Variants in DDX42 observed in about 807,000 individuals in gnomAD.
The protein encoded by DDX42 is ATP-dependent RNA helicase DDX42.
In DDX42, 22 loss-of-function variants were observed where a neutral mutation model predicts 101.5. The ratio of observed to expected loss-of-function variants is 0.22; its 90% CI spans 0.15 to 0.31. DDX42 has a LOEUF of 0.31. DDX42 is among the 10% of genes least tolerant of loss of function. The probability of loss-of-function intolerance (pLI) is 1.00; values close to 1 mark genes in which losing one functional copy is unlikely to be tolerated. For synonymous variants in DDX42, 402 were observed against 401.2 expected (o/e 1.00, Z -0.02); for missense variants, 849 against 1,199.9 (o/e 0.71, Z 4.32).
At chr17:63,805,976 G>A (rs2039834906) in intron 7 of DDX42, 1 of 152,258 alleles carries the variant, frequency 6.6e-6, no homozygotes, top group East Asian at 1.9e-4. Flanking sequence ...GAGATTATAA[G>A]CCCCATTCTT....
chr17:63,795,069 T>C (rs551016261), intron 3 of DDX42, among the ~76,000 whole-genome samples: 71 of 152,306 alleles, frequency 4.7e-4, no homozygotes, highest in African/African-American at 1.6e-3. Flanking sequence ...AATCCAAGAT[T>C]AATGTGTTTT....
At chr17:63,780,314 A>G (rs2039472408) in intron 1 of DDX42, among the ~76,000 whole-genome samples, 1 of 128,614 alleles carries the variant, frequency 7.8e-6, no homozygotes, top group Non-Finnish European at 1.7e-5. Flanking sequence ...AAAAAAAAAA[A>G]AAGTAGGAAA....
chr17:63,792,689 TC>T, intron 3 of DDX42, 127 bp downstream of exon 3: 1 of 1,004,340 alleles, frequency 1.0e-6, no homozygotes, highest in East Asian at 2.7e-5. Context: ...AGAATTTTGC[TC>T]CAGTAGTCTA....
At chr17:63,781,959 G>A (rs910272161) in intron 1 of DDX42, among the ~76,000 whole-genome samples, 10 of 151,844 alleles carry the variant, frequency 6.6e-5, no homozygotes, top group East Asian at 5.8e-4. Flanking sequence ...GCAGTGAGCC[G>A]AGATTGTGCC....
At chr17:63,804,340 T>C (rs112221671) in intron 6 of DDX42, among the ~76,000 whole-genome samples, 2 of 152,124 alleles carry the variant, frequency 1.3e-5, no homozygotes, top group Non-Finnish European at 2.9e-5. Context: ...GATGTGCTTA[T>C]GTTTTGTATA....
At chr17:63,788,005 A>G (rs1162617280) in intron 2 of DDX42, among the ~76,000 whole-genome samples, 1 of 150,232 alleles carries the variant, frequency 6.7e-6, no homozygotes, top group Non-Finnish European at 1.5e-5. Flanking sequence ...CTCGAGTTCA[A>G]GTGATTCTCC....
At chr17:63,796,400 C>T (rs2144555464) in intron 3 of DDX42, among the ~76,000 whole-genome samples, 1 of 152,308 alleles carries the variant, frequency 6.6e-6, no homozygotes, top group African/African-American at 2.4e-5. Context: ...ACCTCTGCCT[C>T]CCGGGTCCCG....
chr17:63,793,133 AAGAT>A (rs1348170412), intron 3 of DDX42, among the ~76,000 whole-genome samples: 6 of 152,204 alleles, frequency 3.9e-5, no homozygotes, highest in Non-Finnish European at 7.3e-5. Flanking sequence ...AACACATACA[AAGAT>A]AGAATAATAA....
At chr17:63,777,340 C>T (rs2039432668) in intron 1 of DDX42, among the ~76,000 whole-genome samples, 1 of 152,144 alleles carries the variant, frequency 6.6e-6, no homozygotes, top group Non-Finnish European at 1.5e-5. Flanking sequence ...ATATTGAAAA[C>T]ATGCTATAAG....
At chr17:63,799,118 T>A (rs527763846) in intron 4 of DDX42, among the ~76,000 whole-genome samples, 245 of 152,250 alleles carry the variant, frequency 1.6e-3, no homozygotes, top group African/African-American at 5.5e-3. Context: ...TCTGTCCCCA[T>A]CCCTAAGGTA....
chr17:63,782,011 A>G (rs2039494207), intron 1 of DDX42, among the ~76,000 whole-genome samples: 1 of 150,740 alleles, frequency 6.6e-6, no homozygotes, highest in Non-Finnish European at 1.5e-5. Flanking sequence ...CTCCGTCTCA[A>G]AAAATAAAAA....
intron 1 of DDX42, among the ~76,000 whole-genome samples, chr17:63,784,145 C>T (rs563217408): frequency 2.6e-5 from 4 of 152,212 alleles, no homozygotes; most frequent in African/African-American, 9.6e-5. Flanking sequence ...TGAACAAAAC[C>T]TATGAAGTAT....
chr17:63,811,999 C>G lies in DDX42; in HGVS notation c.1466C>G (p.Thr489Ser). Residue 489 changes from threonine to serine, a missense_variant, in exon 14 of 18, where the codon ACC becomes AGC. This residue lies in a region of DDX42 where 370 missense variants were observed against 608.8 expected (regional missense o/e 0.61). Transcript: ENST00000389924. The stretch of plus-strand genomic sequence containing the variant: ...GGACCTAGTAAATGGAACTGGCTTA[C>G]CCGGCGTCTGGTAGAATTTACCTCT... ...HSGPSKWNWL[T>S]RRLVEFTSSG... is the part of the protein sequence containing the mutation. 1 of 1,614,194 alleles carries G rather than the reference C, an allele frequency of 6.2e-7. No homozygotes were observed. Among genetic ancestry groups the G allele is most frequent in the African/African-American group, 1.3e-5 (1 of 75,046 alleles).
intron 12 of DDX42, 127 bp downstream of exon 12, chr17:63,810,687 G>C: frequency 2.2e-6 from 2 of 904,198 alleles, no homozygotes; most frequent in Middle Eastern, 2.3e-4. Flanking sequence ...TAATAAGGGA[G>C]GTAATGAGTT....
At position 63,793,605 on chromosome 17, in the gene DDX42, T is replaced by C. The variant is rs146924186; in HGVS notation, c.372+1043T>C. Among the ~76,000 whole-genome samples, 9 of 152,268 alleles carry C rather than the reference T, an allele frequency of 5.9e-5. No individual in the cohort carries two copies. In the East Asian group the frequency reaches 1.7e-3, roughly 29 times the overall value. ...GGATTATTTTAAAATCTCAGACATATAATTTTATCCATCAGTATTTCTCTG... is the reference window on the plus strand; with the variant it reads ...GGATTATTTTAAAATCTCAGACATACAATTTTATCCATCAGTATTTCTCTG... On this transcript the variant is annotated intron_variant, in intron 3 of 17. Transcript: ENST00000389924.
Position 63,805,231 on chromosome 17 carries a change from G to A in DDX42, c.726+56G>A, listed in dbSNP as rs756121644. 5.1e-6 allele frequency: 8 copies of A among 1,574,354 alleles called. No individual in the cohort carries two copies. The South Asian group carries it at 5.9e-5, about 12-fold the overall frequency. ...ATTAATGTTAATTAGTCCAGATTTA[G>A]TATTATTGGTTATCTAAACTAATAA... On this transcript the variant is annotated intron_variant, in intron 7 of 17. Transcript: ENST00000389924.
intron 6 of DDX42, among the ~76,000 whole-genome samples, chr17:63,802,890 A>G (rs2039789193): frequency 6.7e-6 from 1 of 148,420 alleles, no homozygotes; most frequent in African/African-American, 2.5e-5. Flanking sequence ...AGCCTGGGCA[A>G]TAAGAACAAC....
intron 6 of DDX42, among the ~76,000 whole-genome samples, chr17:63,801,788 T>C (rs1489124628): frequency 1.3e-5 from 2 of 152,190 alleles, no homozygotes; most frequent in African/African-American, 2.4e-5. Flanking sequence ...AAATTTTTAC[T>C]GTTGGTCCTA....
chr17:63,790,906 C>T (rs2039619647), intron 2 of DDX42, among the ~76,000 whole-genome samples: 1 of 152,150 alleles, frequency 6.6e-6, no homozygotes, highest in South Asian at 2.1e-4. Context: ...GCACTGCAGC[C>T]TGGGCGACAG....
Sources: gnomAD v4.1 joint callset for allele counts (sites outside exome capture counted in the v4.1 genomes callset) on GRCh38, gnomAD v4.1.1 for gene constraint, gnomAD v4.1.1 regional missense constraint, MANE v1.5 for transcripts, NCBI Gene and HGNC (gene_info 2026-07-23, HGNC 2026-07-21) for gene names.